The following FASN variants were observed in gnomAD, a reference collection of about 807,000 sequenced individuals.
The protein encoded by FASN is 3-hydroxyacyl-[acyl-carrier-protein] dehydratase.
In FASN, 50 loss-of-function variants were observed where a neutral mutation model predicts 250.0. The ratio of observed to expected loss-of-function variants is 0.20; its 90% CI spans 0.16 to 0.25. FASN has a LOEUF of 0.25. Among genes scored for constraint, FASN ranks in the 10% least tolerant of loss-of-function variants. FASN has a pLI of 1.00. For missense variants in FASN, 3,031 were observed against 3,498.5 expected, an observed-to-expected ratio of 0.87 and a Z score of 3.37; for synonymous variants, 1,909 against 1,584.0, an observed-to-expected ratio of 1.21 and a Z score of -4.87.
intron 21 of FASN, 116 bp downstream of exon 21, chr17:82,086,934 A>G: frequency 1.7e-6 from 2 of 1,145,134 alleles, no homozygotes; most frequent in Admixed American, 2.0e-5. Flanking sequence ...GGGTTGGGCT[A>G]GGGTTGCTGA....
chr17:82,079,045 C>T lies in FASN; in HGVS notation c.*98G>A. 7.3e-7 allele frequency: 1 copy of T among 1,368,950 alleles called. No individual in the cohort carries two copies. The highest frequency in any genetic ancestry group is 1.3e-5 in the South Asian group (1 of 79,052). The allele number at this position is 1,368,950 out of a possible 1,614,324, so 84.8% of individuals were successfully genotyped here. On this transcript the variant is annotated 3_prime_UTR_variant, in exon 43 of 43. Transcript: ENST00000306749. ...CAGTGGCACTGGGCCGGACAGGGTC[C>T]CACCGGCAGGACCCTTCAATCCCGT...
In FASN at chr17:82,092,812, C is replaced by A; in HGVS notation, c.779G>T (p.Gly260Val). The A allele has an allele frequency of 6.3e-7, 1 of 1,595,336 alleles. No individual in the cohort carries two copies. ...GTNTDGFKEQ[G>V]VTFPSGDIQE... ...GATATCCCCTGAGGGGAAGGTCACGCCTGCGGAGGGCTCGGCTCAGTGCTG... is the reference window on the plus strand; with the variant it reads ...GATATCCCCTGAGGGGAAGGTCACGACTGCGGAGGGCTCGGCTCAGTGCTG... Residue 260 changes from glycine (G) to valine (V), a missense_variant and splice_region_variant, in exon 7 of 43, where the codon GGC becomes GTC. Transcript: ENST00000306749.
chr17:82,087,559 C>T (rs2034127825), intron 19 of FASN, 55 bp from the exon 20 acceptor site: 4 of 1,605,832 alleles, frequency 2.5e-6, no homozygotes, highest in Non-Finnish European at 3.4e-6. Flanking sequence ...GGGGCCACCT[C>T]CCAGAGCCCA....
rs17848958 is a variant in FASN at position 82,081,848 on chromosome 17, G to T, written c.6164-5C>A. On this transcript the variant is annotated splice_region_variant and splice_polypyrimidine_tract_variant and intron_variant, in intron 36 of 42. Transcript: ENST00000306749. ...CGCCCCACTGCACGGCCAGGCCTGT[G>T]GGGGAGGGGGCAGGTGGGCAGAGCT... 8 of 1,601,196 alleles carry T rather than the reference G, an allele frequency of 5.0e-6. No individual in the cohort carries two copies. The highest frequency in any genetic ancestry group is 4.0e-5 in the African/African-American group (3 of 74,532).
chr17:82,081,412 G>T, intron 37 of FASN, 60 bp from the exon 38 acceptor site: 1 of 1,560,692 alleles, frequency 6.4e-7, no homozygotes, highest in Non-Finnish European at 8.6e-7. Context: ...CCTGTATGCG[G>T]CAGGGCTGAC....
chr17:82,080,640 C>A (rs1022797781), intron 39 of FASN, 50 bp from the exon 40 acceptor site: 24 of 1,552,022 alleles, frequency 1.5e-5, no homozygotes, highest in Non-Finnish European at 1.9e-5. Context: ...CAGCCACGGG[C>A]CCCGTGATGG....
rs749026558 is a variant in FASN, at chr17:82,081,160, G to A, written c.6595+4C>T. 1.9e-6 allele frequency: 3 copies of A among 1,577,204 alleles called. No homozygotes were observed. Among genetic ancestry groups the A allele is most frequent in the South Asian group, 1.2e-5 (1 of 86,586 alleles). ...CCCACTCCCGCCTGGCCACCCACAC[G>A]CACCGCTGGCCTCATCCGCCTTTGA... On this transcript the variant is annotated splice_donor_region_variant and intron_variant, in intron 38 of 42. Transcript: ENST00000306749.
chr17:82,096,333 C>T lies in FASN; in HGVS notation c.113G>A (p.Arg38His), dbSNP rs1041961408. ...CAGCCACATACCCGCCTTCCAGCGA[C>T]GGTCATCGTCCGTGACCATGTCCAC... ...GGVDMVTDDD[R>H]RWKAGLYGLP... The change falls in exon 2 of 43, where the codon CGT becomes CAT. Residue 38 changes from arginine (R) to histidine (H), a missense_variant. Arg to His is a conservative substitution (Grantham distance 29). Coordinates refer to ENST00000306749, the MANE Select transcript of FASN (RefSeq NM_004104.5). 17 of 1,612,592 alleles carry T rather than the reference C, an allele frequency of 1.1e-5. No homozygotes were observed. The highest frequency in any genetic ancestry group is 3.3e-5 in the Admixed American group (2 of 60,012).
Position 82,079,253 on chromosome 17 carries a change from C to A in FASN, c.7426G>T (p.Val2476Phe). ...QVCDGKVSVH[V>F]IEGDHRTLLE... is the part of the protein sequence containing the mutation. ...AGCGTGCGGTGGTCACCCTCGATGA[C>A]GTGGACGGATACTTTCCCGTCGCAT... Residue 2476 changes from valine to phenylalanine, a missense_variant, in exon 43 of 43, where the codon GTC (valine) becomes TTC (phenylalanine). Physicochemically the swap from Val to Phe is conservative, Grantham distance 50 (BLOSUM62 -1). Transcript: ENST00000306749. 1 of 1,613,038 alleles carries A rather than the reference C, an allele frequency of 6.2e-7. No individual in the cohort carries two copies. Among genetic ancestry groups the A allele is most frequent in the Non-Finnish European group, 8.5e-7 (1 of 1,179,964 alleles).
intron 41 of FASN, chr17:82,079,928 G>A (rs952296297): frequency 7.6e-6 from 5 of 656,240 alleles, no homozygotes; most frequent in Middle Eastern, 4.1e-4. Flanking sequence ...GGCTGGTCTC[G>A]AACTCCCGAC....
chr17:82,083,877 G>A lies in FASN; in HGVS notation c.5113C>T (p.Arg1705Trp), dbSNP rs766947051. ...VFTTVGSAEKRAYLQARFPQL... is the reference protein window; with the variant it reads ...VFTTVGSAEKWAYLQARFPQL... ...GGGAACCTGGCCTGGAGGTACGCCC[G>A]CTTCTCAGCCGACCCTGGTGAAGAG... The change falls in exon 30 of 43, where the codon CGG (arginine) becomes TGG (tryptophan). Residue 1705 changes from arginine to tryptophan, a missense_variant. Physicochemically the swap from Arg to Trp is moderately radical, Grantham distance 101. Transcript: ENST00000306749. 3.9e-5 allele frequency: 62 copies of A among 1,571,726 alleles called. No homozygotes were observed. Among genetic ancestry groups the A allele is most frequent in the South Asian group, 1.9e-4 (16 of 85,856 alleles).
Position 82,080,845 on chromosome 17 carries a change from T to C in FASN, c.6673A>G (p.Asn2225Asp). The change falls in exon 39 of 43, where the codon AAC (asparagine) becomes GAC (aspartate). Residue 2225 changes from asparagine (N) to aspartate (D), a missense_variant. Transcript: ENST00000306749. ...CGCATCAGGGTGGGGCCCTCCGGGT[T>C]CACCAGCAGGGAGCGCAGGTTCAGC... Reference protein sequence around the residue: ...TQLNLRSLLVNPEGPTLMRLN... With the variant: ...TQLNLRSLLVDPEGPTLMRLN... The C allele has an allele frequency of 6.2e-7, 1 of 1,611,356 alleles. No homozygotes were observed. Among genetic ancestry groups the C allele is most frequent in the Non-Finnish European group, 8.5e-7 (1 of 1,179,556 alleles).
At chr17:82,095,556 G>C in intron 2 of FASN, 84 bp from the exon 3 acceptor site, 3 of 1,531,132 alleles carry the variant, frequency 2.0e-6, no homozygotes, top group Non-Finnish European at 2.7e-6. Flanking sequence ...CCCCTGGAGG[G>C]GCCATGGTGG....
chr17:82,083,487 C>T, intron 31 of FASN, 30 bp downstream of exon 31: 2 of 1,612,746 alleles, frequency 1.2e-6, no homozygotes, highest in Middle Eastern at 1.6e-4. Flanking sequence ...CCATCCATGC[C>T]CACCCCCGCC....
chr17:82,087,867 G>C lies in FASN; in HGVS notation c.2867-6C>G, dbSNP rs985222187. ...ATCCCACTGGTACACCTTCCCTGTG[G>C]AAAGGGAGGTGCGGAAGGGCCTGAG... On this transcript the variant is annotated splice_polypyrimidine_tract_variant and splice_region_variant and intron_variant, in intron 18 of 42. Transcript: ENST00000306749. 6.2e-7 allele frequency: 1 copy of C among 1,612,624 alleles called. No individual in the cohort carries two copies. Among genetic ancestry groups the C allele is most frequent in the East Asian group, 2.2e-5 (1 of 44,864 alleles).
chr17:82,089,872 C>T (rs2034172974), intron 11 of FASN, 146 bp from the exon 12 acceptor site: 2 of 763,152 alleles, frequency 2.6e-6, no homozygotes, highest in African/African-American at 1.7e-5. Context: ...AGGTTCGCCC[C>T]CTGCTGTGTT....
chr17:82,092,380 G>A (rs903348337), intron 8 of FASN, 75 bp downstream of exon 8: 91 of 1,463,362 alleles, frequency 6.2e-5, no homozygotes, highest in Admixed American at 3.6e-4. Context: ...AGAGAAAGCA[G>A]CAGTGCCCAG....
At position 82,085,288 on chromosome 17, in the gene FASN, T is replaced by C. The variant is rs2034073321; in HGVS notation, c.4237A>G (p.Ile1413Val). 6.2e-7 allele frequency: 1 copy of C among 1,611,270 alleles called. No individual in the cohort carries two copies. Among genetic ancestry groups the C allele is most frequent in the Non-Finnish European group, 8.5e-7 (1 of 1,179,436 alleles). Residue 1413 changes from isoleucine (I) to valine (V), a missense_variant, in exon 24 of 43, where the codon ATC becomes GTC. Transcript: ENST00000306749. ...CRRPTPQDSP[I>V]FLPVDDTSFR... is the part of the protein sequence containing the mutation. ...CTGGTATCGTCCACCGGCAGGAAGA[T>C]GGGGCTGTCCTGCGGGGTGGGCCGG...
intron 8 of FASN, 135 bp downstream of exon 8, chr17:82,092,320 C>T (rs1181525169): frequency 4.2e-6 from 4 of 949,918 alleles, no homozygotes; most frequent in Admixed American, 2.1e-5. Flanking sequence ...TGCAGCATAG[C>T]CCGGGGGACA....
Sources: gnomAD v4.1 joint callset for allele counts on GRCh38, gnomAD v4.1.1 for gene constraint, MANE v1.5 for transcripts, NCBI Gene and HGNC (gene_info 2026-07-23, HGNC 2026-07-21) for gene names.